The following MUC5AC variants were observed in gnomAD, a reference collection of about 807,000 sequenced individuals.
The protein encoded by MUC5AC is mucin-5AC.
A neutral mutation model predicts 169.7 loss-of-function variants in MUC5AC; 158 were observed. The observed-to-expected ratio is 0.93, with a 90% CI of 0.82 to 1.06. The LOEUF is 1.06. Among genes scored for constraint, MUC5AC ranks in the 50% least tolerant of loss-of-function variants. The pLI is 0.00. For missense variants in MUC5AC, 4,359 were observed against 3,089.9 expected, an observed-to-expected ratio of 1.41 and a Z score of -9.74; for synonymous variants, 1,975 against 1,237.0, an observed-to-expected ratio of 1.60 and a Z score of -12.52.
chr11:1,181,988 C>G (rs938441250), intron 30 of MUC5AC, among the ~76,000 whole-genome samples, 167 bp from the exon 31 acceptor site: 2 of 152,216 alleles, frequency 1.3e-5, no homozygotes, highest in Non-Finnish European at 2.9e-5. Context: ...TCGCCTGGCT[C>G]TTCAGAACCT....
rs147271093 is a variant in MUC5AC at position 1,169,076 on chromosome 11, AC to A, written c.1870+53del. On this transcript the variant is annotated intron_variant, in intron 15 of 48. Transcript: ENST00000621226. The stretch of plus-strand genomic sequence containing the variant: ...TGTGCTGGCCGCCTGGCGCTGGTTC[AC>A]CCGCTTCCATTTGGCACTGCAGGCA... The A allele has an allele frequency of 2.6e-3, 3,876 of 1,486,130 alleles. 95 individuals carry two copies. In the African/African-American group the frequency reaches 0.05, roughly 19 times the overall value. The allele number at this position is 1,486,130 out of a possible 1,614,324, so 92.1% of individuals were successfully genotyped here. A position where few individuals can be genotyped will look rare whatever the true frequency, so the allele number is the denominator to read the frequency against.
chr11:1,167,438 C>T (rs1860368463), intron 11 of MUC5AC, among the ~76,000 whole-genome samples: 1 of 152,238 alleles, frequency 6.6e-6, no homozygotes, highest in Non-Finnish European at 1.5e-5. Flanking sequence ...CTGGTACCCT[C>T]ACCTCCCAGG....
At chr11:1,197,816 G>C in intron 41 of MUC5AC, 87 bp from the exon 42 acceptor site, 1 of 657,604 alleles carries the variant, frequency 1.5e-6, no homozygotes, top group East Asian at 2.7e-5. Context: ...CTGTCTAGGC[G>C]GTCCGCAATC....
chr11:1,186,488 C>A lies in MUC5AC; in HGVS notation c.8343C>A (p.Ile2781=). Residue 2781 remains isoleucine (I), a synonymous_variant, in exon 31 of 49, where the codon ATC becomes ATA. Transcript: ENST00000621226. ...STTSATTTST[I]SAPTTSTTLS... ...CCTCTGCTACTACAACCAGCACAATCTCTGCCCCTACAACCAGCACAACTT... is the reference window on the plus strand; with the variant it reads ...CCTCTGCTACTACAACCAGCACAATATCTGCCCCTACAACCAGCACAACTT... The A allele has an allele frequency of 1.4e-6, 1 of 695,352 alleles. No homozygotes were observed. Among genetic ancestry groups the A allele is most frequent in the Non-Finnish European group, 2.6e-6 (1 of 380,960 alleles). The allele number at this position is 695,352 out of a possible 1,614,324, so 43.1% of individuals were successfully genotyped here.
chr11:1,162,422 C>T (rs901169260), intron 4 of MUC5AC, 110 bp from the exon 5 acceptor site: 16 of 1,109,684 alleles, frequency 1.4e-5, no homozygotes, highest in South Asian at 8.7e-5. Context: ...ATCCCAGACG[C>T]GACTTCACGG....
Position 1,197,553 on chromosome 11 carries a change from C to G in MUC5AC, c.15947C>G (p.Pro5316Arg), listed in dbSNP as rs751891374. Residue 5316 changes from proline (P) to arginine (R), a missense_variant, in exon 41 of 49, where the codon CCG (proline) becomes CGG (arginine). Coordinates refer to ENST00000621226, the MANE Select transcript of MUC5AC (RefSeq NM_001304359.2). ...WTLTCRPKLC[P>R]LPPACPLPGF... is the part of the protein sequence containing the mutation. ...CTGACCTGCCGACCCAAGCTCTGCC[C>G]GCTGCCCCCTGCCTGCCCCCTGCCC... is the stretch of plus-strand genomic sequence containing the variant. 7.0e-6 allele frequency: 5 copies of G among 716,626 alleles called. No homozygotes were observed. The highest frequency in any genetic ancestry group is 5.9e-5 in the South Asian group (4 of 68,372). 44.4% of individuals were successfully genotyped at this position (716,626 alleles called of 1,614,324 possible). A position where few individuals can be genotyped will look rare whatever the true frequency, so the allele number is the denominator to read the frequency against.
rs776704266 is a variant in MUC5AC at position 1,160,677 on chromosome 11, C to CG, written c.144dup (p.Pro49AlafsTer71). On this transcript the variant is annotated frameshift_variant, in exon 2 of 49. Transcript: ENST00000621226. LOFTEE classifies it high-confidence loss of function. ...CCACCCTGCCCTCTCTCCTATCGCC[C>CG]GGGGGCCCAGCGGTGAGTCTGAGTG... is the stretch of plus-strand genomic sequence containing the variant. The CG allele has an allele frequency of 6.2e-7, 1 of 1,610,200 alleles. No individual in the cohort carries two copies. The highest frequency in any genetic ancestry group is 8.5e-7 in the Non-Finnish European group (1 of 1,179,442).
At chr11:1,170,457 TCACC>T in intron 15 of MUC5AC, among the ~76,000 whole-genome samples, 1 of 112,868 alleles carries the variant, frequency 8.9e-6, no homozygotes, top group South Asian at 3.4e-4. Flanking sequence ...ACTCACCCAC[TCACC>T]GACTCACCCA....
Position 1,197,601 on chromosome 11 carries a change from C to A in MUC5AC, c.15995C>A (p.Ala5332Asp). 1.4e-6 allele frequency: 1 copy of A among 726,600 alleles called. No individual in the cohort carries two copies. Among genetic ancestry groups the A allele is most frequent in the Non-Finnish European group, 2.5e-6 (1 of 399,478 alleles). The allele number at this position is 726,600 out of a possible 1,614,324, so 45.0% of individuals were successfully genotyped here. ...PLPGFVPVPA[A>D]PQAGQCCPQY... The stretch of plus-strand genomic sequence containing the variant: ...CCCGGCTTCGTGCCTGTGCCTGCAG[C>A]CCCACAGGCCGGCCAGTGCTGCCCC... Residue 5332 changes from alanine to aspartate, a missense_variant, in exon 41 of 49, where the codon GCC becomes GAC. By Grantham distance (126) the Ala-to-Asp change is moderately radical. Transcript: ENST00000621226.
chr11:1,193,775 C>T, intron 33 of MUC5AC, 116 bp downstream of exon 33: 3 of 657,664 alleles, frequency 4.6e-6, no homozygotes, highest in Non-Finnish European at 8.3e-6. Context: ...TTGGGTGGGA[C>T]AGCAGGAAGG....
In MUC5AC at chr11:1,200,941, C is replaced by T. The variant is rs1294410857; in HGVS notation, c.*239C>T. The T allele has an allele frequency of 7.4e-6, 3 of 405,476 alleles. No individual in the cohort carries two copies. Among genetic ancestry groups the T allele is most frequent in the Non-Finnish European group, 1.3e-5 (3 of 227,022 alleles). The allele number at this position is 405,476 out of a possible 1,614,324, so 25.1% of individuals were successfully genotyped here. On this transcript the variant is annotated 3_prime_UTR_variant, in exon 49 of 49. Transcript: ENST00000621226. ...ACCAGCCCCGGGGCTGGCCGAGCTC[C>T]TCTGGCCATGCATCCAGCCTGCTGT...
chr11:1,200,759 C>A lies in MUC5AC; in HGVS notation c.*57C>A. The A allele has an allele frequency of 1.5e-6, 1 of 669,682 alleles. No individual in the cohort carries two copies. The highest frequency in any genetic ancestry group is 1.7e-5 in the South Asian group (1 of 59,874). The allele number at this position is 669,682 out of a possible 1,614,324, so 41.5% of individuals were successfully genotyped here. A position where few individuals can be genotyped will look rare whatever the true frequency, so the allele number is the denominator to read the frequency against. ...GAACCTCCCATATGTCCTCTGAGCTCGGCTTCCAAGGCCAGTGGAACTTGT... is the reference window on the plus strand; with the variant it reads ...GAACCTCCCATATGTCCTCTGAGCTAGGCTTCCAAGGCCAGTGGAACTTGT... On this transcript the variant is annotated 3_prime_UTR_variant, in exon 49 of 49. Coordinates refer to ENST00000621226, the MANE Select transcript of MUC5AC (RefSeq NM_001304359.2).
chr11:1,172,936 T>A (rs1261510092), intron 16 of MUC5AC, among the ~76,000 whole-genome samples: 2 of 79,496 alleles, frequency 2.5e-5, no homozygotes, highest in African/African-American at 1.0e-4. Context: ...TCACCCATTC[T>A]CTCACTCGCC....
rs192181365 is a variant in MUC5AC at position 1,162,040 on chromosome 11, C to T, written c.345C>T (p.Tyr115=). The change falls in exon 4 of 49, where the codon TAC becomes TAT. Residue 115 remains tyrosine, a synonymous_variant. Transcript: ENST00000621226. Reference sequence around the variant, plus strand: ...TCTCCGAGCACTGCGGTGCCGCCTACGAGGATTTTAACATCCAGCTACGCC... The same window carrying T: ...TCTCCGAGCACTGCGGTGCCGCCTATGAGGATTTTAACATCCAGCTACGCC... ...YVFSEHCGAA[Y]EDFNIQLRRS... 1.5e-4 allele frequency: 241 copies of T among 1,612,594 alleles called. 4 individuals carry two copies. The East Asian group carries it at 1.7e-3, about 11-fold the overall frequency.
chr11:1,194,412 G>C, intron 34 of MUC5AC, 52 bp downstream of exon 34: 1 of 710,600 alleles, frequency 1.4e-6, no homozygotes, highest in Non-Finnish European at 2.6e-6. Flanking sequence ...CGGCTTTCCC[G>C]GCAAGAGCCT....
rs1440978947 is a variant in MUC5AC at position 1,188,028 on chromosome 11, G to C, written c.9883G>C (p.Gly3295Arg). ...GGTGGTGCAGTGCAGCCGTGAAGAG[G>C]GCCTGGTGTGCCGGAACCAGGACCA... ...GQVVQCSREE[G>R]LVCRNQDQQG... The change falls in exon 31 of 49, where the codon GGC becomes CGC. Residue 3295 changes from glycine (G) to arginine (R), a missense_variant. Physicochemically the swap from Gly to Arg is moderately radical, Grantham distance 125 (BLOSUM62 -2). Transcript: ENST00000621226. 1.2e-5 allele frequency: 9 copies of C among 757,682 alleles called. No homozygotes were observed. In the Admixed American group the frequency reaches 1.4e-4, roughly 12 times the overall value. The allele number at this position is 757,682 out of a possible 1,614,324, so 46.9% of individuals were successfully genotyped here.
chr11:1,160,763 G>T (rs1238932803), intron 2 of MUC5AC, 74 bp downstream of exon 2: 24 of 1,453,206 alleles, frequency 1.7e-5, no homozygotes, highest in Non-Finnish European at 2.1e-5. Context: ...GGCCCCTAGG[G>T]CCACTGGTCT....
chr11:1,164,085 G>C, intron 7 of MUC5AC, 21 bp from the exon 8 acceptor site: 1 of 1,610,936 alleles, frequency 6.2e-7, no homozygotes, highest in Non-Finnish European at 8.5e-7. Flanking sequence ...GGACTCAGAC[G>C]GGCTGTGGCC....
chr11:1,187,529 T>C lies in MUC5AC; in HGVS notation c.9384T>C (p.Pro3128=), dbSNP rs1554928256. 5.4e-6 allele frequency: 4 copies of C among 742,172 alleles called. No individual in the cohort carries two copies. In the Admixed American group the frequency reaches 5.4e-5, roughly 10 times the overall value. 46.0% of individuals were successfully genotyped at this position (742,172 alleles called of 1,614,324 possible). A position where few individuals can be genotyped will look rare whatever the true frequency, so the allele number is the denominator to read the frequency against. The change falls in exon 31 of 49, where the codon CCT becomes CCC. Residue 3128 remains proline (P), a synonymous_variant. Coordinates refer to ENST00000621226, the MANE Select transcript of MUC5AC (RefSeq NM_001304359.2). The part of the protein sequence containing the change: ...SGLGTTPSPI[P]TTSTTSPPTT... ...TTGGAACTACTCCCAGCCCTATTCC[T>C]ACCACCAGCACAACCTCTCCTCCTA...
Sources: gnomAD v4.1 joint callset for allele counts (sites outside exome capture counted in the v4.1 genomes callset) on GRCh38, gnomAD v4.1.1 for gene constraint, MANE v1.5 for transcripts, NCBI Gene and HGNC (gene_info 2026-07-23, HGNC 2026-07-21) for gene names.